CACNA2D1: variants seen among roughly 807,000 people sequenced by gnomAD.
The protein encoded by CACNA2D1 is voltage-dependent calcium channel subunit alpha-2/delta-1.
Under a neutral mutation model 171.5 loss-of-function variants are expected in CACNA2D1, and 53 were observed. The observed-to-expected ratio is 0.31, with a 90% confidence interval of 0.25 to 0.39. The LOEUF (loss-of-function observed/expected upper bound fraction) is 0.39. CACNA2D1 is among the 10% of genes least tolerant of loss of function. The pLI is 1.00. For missense variants in CACNA2D1, 903 were observed against 1,299.8 expected, an observed-to-expected ratio of 0.69 and a Z score of 4.69; for synonymous variants, 442 against 443.1, an observed-to-expected ratio of 1.00 and a Z score of 0.03.
At chr7:82,260,112 C>T (rs1465608925) in intron 3 of CACNA2D1, among the ~76,000 whole-genome samples, 1 of 152,020 alleles carries the variant, frequency 6.6e-6, no homozygotes, top group East Asian at 1.9e-4. Flanking sequence ...ATCCCAGCTT[C>T]TTGGGAGGCT....
chr7:81,973,716 T>C (rs1795536177), intron 25 of CACNA2D1, among the ~76,000 whole-genome samples: 1 of 152,036 alleles, frequency 6.6e-6, no homozygotes, highest in Non-Finnish European at 1.5e-5. Flanking sequence ...TCCTCTTATT[T>C]CCCATTTGTA....
Position 82,248,958 on chromosome 7 carries a change from A to G in CACNA2D1, c.295-78349T>C, listed in dbSNP as rs540147137. Among the ~76,000 whole-genome samples, 4 of 152,240 alleles carry G rather than the reference A, an allele frequency of 2.6e-5. No homozygotes were observed. In the East Asian group the frequency reaches 5.8e-4, roughly 22 times the overall value. On this transcript the variant is annotated intron_variant, in intron 3 of 38. Transcript: ENST00000356860. ...CGGTGAAACCCTGTCTCTACTAAAA[A>G]TACAAAAAATTAGCTGGGCGTGGTG...
intron 3 of CACNA2D1, among the ~76,000 whole-genome samples, chr7:82,184,748 GAAT>G (rs752793956): frequency 2.0e-5 from 3 of 152,034 alleles, no homozygotes; most frequent in East Asian, 1.9e-4. Context: ...ATGTTATTAA[GAAT>G]AATGATGGTT....
At chr7:82,241,653 G>A (rs1338833854) in intron 3 of CACNA2D1, among the ~76,000 whole-genome samples, 1 of 151,944 alleles carries the variant, frequency 6.6e-6, no homozygotes, top group African/African-American at 2.4e-5. Flanking sequence ...AAGCAGAGGG[G>A]GGAGGAAGAG....
intron 21 of CACNA2D1, among the ~76,000 whole-genome samples, chr7:81,988,601 A>G (rs774782118): frequency 5.3e-5 from 8 of 152,206 alleles, no homozygotes; most frequent in Admixed American, 2.0e-4. Flanking sequence ...CTACATATTA[A>G]CTGTATATTA....
intron 7 of CACNA2D1, among the ~76,000 whole-genome samples, chr7:82,076,561 G>C (rs1207770780): frequency 6.6e-6 from 1 of 151,960 alleles, no homozygotes; most frequent in East Asian, 1.9e-4. Context: ...TTCTATTTAA[G>C]AATTAATTCC....
intron 4 of CACNA2D1, among the ~76,000 whole-genome samples, chr7:82,136,885 G>A (rs1297866914): frequency 6.6e-6 from 1 of 152,056 alleles, no homozygotes; most frequent in African/African-American, 2.4e-5. Context: ...TTGGGAAAAA[G>A]ATCCCAGTGT....
intron 6 of CACNA2D1, among the ~76,000 whole-genome samples, chr7:82,091,925 G>C (rs1183492157): frequency 6.6e-6 from 1 of 152,186 alleles, no homozygotes; most frequent in Non-Finnish European, 1.5e-5. Context: ...ATCCTAGACA[G>C]CCTATAGGGT....
intron 38 of CACNA2D1, among the ~76,000 whole-genome samples, chr7:81,958,563 T>C (rs186962940): frequency 6.6e-6 from 1 of 151,954 alleles, no homozygotes; most frequent in East Asian, 1.9e-4. Flanking sequence ...ACATATTACC[T>C]ACCTTGTATA....
intron 1 of CACNA2D1, among the ~76,000 whole-genome samples, chr7:82,355,930 A>G (rs1820369887): frequency 6.6e-6 from 1 of 152,060 alleles, no homozygotes; most frequent in South Asian, 2.1e-4. Context: ...AAATATGTAT[A>G]AAATTGAACT....
intron 4 of CACNA2D1, among the ~76,000 whole-genome samples, chr7:82,168,567 G>C (rs1431742566): frequency 6.6e-6 from 1 of 152,144 alleles, no homozygotes; most frequent in East Asian, 1.9e-4. Flanking sequence ...TATTGTGTTT[G>C]TGTTGTGGTT....
At position 82,443,303 on chromosome 7, in the gene CACNA2D1, C is replaced by T. The variant is rs1830650915; in HGVS notation, c.95+62G>A. The T allele has an allele frequency of 2.6e-6, 4 of 1,516,798 alleles. No individual in the cohort carries two copies. In the East Asian group the frequency reaches 7.3e-5, roughly 28 times the overall value. The allele number at this position is 1,516,798 out of a possible 1,614,324, so 94.0% of individuals were successfully genotyped here. On this transcript the variant is annotated intron_variant, in intron 1 of 38. Coordinates refer to ENST00000356860, the MANE Select transcript of CACNA2D1 (RefSeq NM_000722.4). ...AAAGCCCCGCGACTCGGGAACCGAC[C>T]CCCACCCCCAACTCCCGCGGCGCCC...
chr7:82,107,050 T>G (rs1787844727), intron 6 of CACNA2D1, among the ~76,000 whole-genome samples: 1 of 152,150 alleles, frequency 6.6e-6, no homozygotes, highest in South Asian at 2.1e-4. Flanking sequence ...ATATATAACA[T>G]GAGATAAATT....
intron 1 of CACNA2D1, among the ~76,000 whole-genome samples, chr7:82,366,138 C>G (rs1000645578): frequency 1.3e-5 from 2 of 152,176 alleles, no homozygotes; most frequent in African/African-American, 2.4e-5. Context: ...CTTTGGGGAA[C>G]AGAATGAAAT....
At chr7:82,274,813 A>T (rs1282701900) in intron 3 of CACNA2D1, among the ~76,000 whole-genome samples, 1 of 152,100 alleles carries the variant, frequency 6.6e-6, no homozygotes, top group Non-Finnish European at 1.5e-5. Context: ...CCTGACATAC[A>T]TTAAGCACCC....
At chr7:82,320,929 T>TTATATAAAGCCATTTATATA (rs11270705) in intron 3 of CACNA2D1, among the ~76,000 whole-genome samples, 78,783 of 148,442 alleles carry the variant, frequency 0.53, 21,925 homozygotes, top group African/African-American at 0.72. Context: ...AGTTAATGGC[T>TTATATAAAGCCATTTATATA]TATATAAAGC....
chr7:82,060,795 A>C (rs953659436), intron 9 of CACNA2D1, among the ~76,000 whole-genome samples: 1 of 152,226 alleles, frequency 6.6e-6, no homozygotes, highest in Admixed American at 6.5e-5. Flanking sequence ...AATTAAAAAA[A>C]AATATGGATA....
At chr7:82,345,886 T>C (rs1031157149) in intron 2 of CACNA2D1, among the ~76,000 whole-genome samples, 31 of 152,166 alleles carry the variant, frequency 2.0e-4, no homozygotes, top group Admixed American at 1.6e-3. Flanking sequence ...TATATTCAGA[T>C]AATAATACAT....
At chr7:82,137,819 G>T (rs1163312928) in intron 4 of CACNA2D1, among the ~76,000 whole-genome samples, 1 of 151,804 alleles carries the variant, frequency 6.6e-6, no homozygotes, top group South Asian at 2.1e-4. Context: ...GGCGGAGCTT[G>T]CAGTGAGCTG....
Sources: gnomAD v4.1 joint callset for allele counts (sites outside exome capture counted in the v4.1 genomes callset) on GRCh38, gnomAD v4.1.1 for gene constraint, MANE v1.5 for transcripts, NCBI Gene and HGNC (gene_info 2026-07-23, HGNC 2026-07-21) for gene names.